CYP4A11: variants seen among roughly 807,000 people sequenced by gnomAD.
The protein encoded by CYP4A11 is cytochrome P450 family 4 subfamily A member 11.
In CYP4A11, 52 loss-of-function variants were observed where a neutral mutation model predicts 57.7. The observed-to-expected ratio is 0.90, with a 90% confidence interval of 0.72 to 1.14. The LOEUF (loss-of-function observed/expected upper bound fraction) is 1.14. CYP4A11 is among the 50% of genes most tolerant of loss of function. The pLI is 0.00. For synonymous variants in CYP4A11, 228 were observed against 247.1 expected (o/e 0.92, Z 0.72); for missense variants, 641 against 642.1 (o/e 1.00, Z 0.02).
intron 11 of CYP4A11, among the ~76,000 whole-genome samples, chr1:46,930,915 C>G (rs1680986231): frequency 1.3e-5 from 2 of 152,192 alleles, no homozygotes; most frequent in African/African-American, 4.8e-5. Flanking sequence ...CTCCATCCAC[C>G]AGCCCCTGTA....
Position 46,936,735 on chromosome 1 carries a change from T to C in CYP4A11, c.439A>G (p.Thr147Ala). The C allele has an allele frequency of 6.2e-7, 1 of 1,613,814 alleles. No homozygotes were observed. The highest frequency in any genetic ancestry group is 8.5e-7 in the Non-Finnish European group (1 of 1,179,956). Residue 147 changes from threonine to alanine, a missense_variant, in exon 4 of 12, where the codon ACC becomes GCC. Physicochemically the swap from Thr to Ala is moderately conservative, Grantham distance 58. Transcript: ENST00000310638. ...QTWFQHRRML[T>A]PAFHYDILKP... The stretch of plus-strand genomic sequence containing the variant: ...AGGATGTCATAGTGGAAGGCTGGGG[T>C]CAGCATCCGTCGATGCTGGAACCAT...
In CYP4A11 at chr1:46,933,774, G is replaced by T. The variant is rs1276541876; in HGVS notation, c.1222+172C>A. ...TTTCTTGAACTTTTGGTGGGTTCAAGCTCTCAGCCAGACTTTTCAAATTCT... is the reference window on the plus strand; with the variant it reads ...TTTCTTGAACTTTTGGTGGGTTCAATCTCTCAGCCAGACTTTTCAAATTCT... On this transcript the variant is annotated intron_variant, in intron 9 of 11. Coordinates refer to ENST00000310638, the MANE Select transcript of CYP4A11 (RefSeq NM_000778.4). The T allele has an allele frequency of 1.0e-5, 12 of 1,178,040 alleles. No individual in the cohort carries two copies. The South Asian group carries it at 1.5e-4, about 15-fold the overall frequency. 73.0% of individuals were successfully genotyped at this position (1,178,040 alleles called of 1,614,324 possible).
chr1:46,932,223 C>G, intron 11 of CYP4A11: 1 of 996,902 alleles, frequency 1.0e-6, no homozygotes. Context: ...AAAGGGCTAC[C>G]TTAACCTCTC....
chr1:46,941,253 C>G lies in CYP4A11; in HGVS notation c.181G>C (p.Gly61Arg), dbSNP rs370538155. 4 of 1,613,202 alleles carry G rather than the reference C, an allele frequency of 2.5e-6. No homozygotes were observed. The highest frequency in any genetic ancestry group is 2.2e-5 in the East Asian group (1 of 44,806). The part of the protein sequence containing the change: ...FPCPPSHWLF[G>R]HIQELQQDQE... ...TTCCTCCCTACCTCCTGGATGTGCC[C>G]GAAGAGCCAGTGGGAGGGAGGGCAC... The change falls in exon 1 of 12, where the codon GGG becomes CGG. Residue 61 changes from glycine (G) to arginine (R), a missense_variant. Transcript: ENST00000310638.
Position 46,934,073 on chromosome 1 carries a change from G to T in CYP4A11, c.1095C>A (p.His365Gln), listed in dbSNP as rs1458961273. ...LGDGASITWN[H>Q]LDQMPYTTMC... ...TGGTGGTGTAGGGCATCTGGTCCAG[G>T]TGGTTCCTGAAACAATTCCATCCTG... Residue 365 changes from histidine to glutamine, a missense_variant, in exon 9 of 12, where the codon CAC (histidine) becomes CAA (glutamine). Transcript: ENST00000310638. The T allele has an allele frequency of 1.9e-6, 3 of 1,612,732 alleles. No individual in the cohort carries two copies. Among genetic ancestry groups the T allele is most frequent in the Non-Finnish European group, 2.5e-6 (3 of 1,179,582 alleles).
rs1245662620 is a variant in CYP4A11, at chr1:46,938,091, G to A, written c.242C>T (p.Thr81Ile). 2.5e-6 allele frequency: 4 copies of A among 1,614,092 alleles called. No individual in the cohort carries two copies. In the African/African-American group the frequency reaches 4.0e-5, roughly 16 times the overall value. The part of the protein sequence containing the change: ...ELQRIQKWVE[T>I]FPSACPHWLW... ...CCAATGAGGACAGGCACTTGGGAAT[G>A]TCTCCACCCATTTCTGAATCCGTTG... The change falls in exon 2 of 12, where the codon ACA (threonine) becomes ATA (isoleucine). Residue 81 changes from threonine to isoleucine, a missense_variant. By Grantham distance (89) the Thr-to-Ile change is moderately conservative. Coordinates refer to ENST00000310638, the MANE Select transcript of CYP4A11 (RefSeq NM_000778.4).
chr1:46,931,825 G>A (rs1374204324), intron 11 of CYP4A11: 17 of 825,300 alleles, frequency 2.1e-5, no homozygotes, highest in East Asian at 1.2e-4. Context: ...AATTTATATC[G>A]TTTTTGCCTG....
chr1:46,938,284 T>C, intron 1 of CYP4A11, 147 bp from the exon 2 acceptor site: 2 of 1,224,328 alleles, frequency 1.6e-6, no homozygotes, highest in African/African-American at 3.0e-5. Flanking sequence ...TCCAGATTCT[T>C]GCTCTCTCCC....
In CYP4A11 at chr1:46,941,022, G is replaced by A. The variant is rs115106301; in HGVS notation, c.195+217C>T. 1.8e-3 allele frequency: 1,792 copies of A among 982,230 alleles called. 3 individuals carry two copies. Among genetic ancestry groups the A allele is most frequent in the Non-Finnish European group, 2.1e-3 (1,720 of 827,024 alleles). The allele number at this position is 982,230 out of a possible 1,614,324, so 60.8% of individuals were successfully genotyped here. ...CACACTTGATATCTGCAGAAGGAGG[G>A]CACGGGTGATAGAGCTGAGGACCAG... On this transcript the variant is annotated intron_variant, in intron 1 of 11. Transcript: ENST00000310638.
intron 9 of CYP4A11, among the ~76,000 whole-genome samples, chr1:46,933,294 T>A (rs1482010956): frequency 6.6e-6 from 1 of 152,174 alleles, no homozygotes; most frequent in Non-Finnish European, 1.5e-5. Flanking sequence ...CTCTTTAGAG[T>A]AAGTCCAGTG....
chr1:46,940,875 T>C (rs1681706633), intron 1 of CYP4A11: 1 of 985,376 alleles, frequency 1.0e-6, no homozygotes, highest in Non-Finnish European at 1.2e-6. Flanking sequence ...GGCAGAGTGA[T>C]GGCATTGAGT....
rs1435360161 is a variant in CYP4A11 at position 46,935,662 on chromosome 1, G to A, written c.511-15C>T. 6.2e-7 allele frequency: 1 copy of A among 1,604,424 alleles called. No homozygotes were observed. The highest frequency in any genetic ancestry group is 8.5e-7 in the Non-Finnish European group (1 of 1,175,620). ...TCCCATTTGTCCTGTGGTGGGAGGG[G>A]GCATGGACCTTCTTAATCTCCAAGA... On this transcript the variant is annotated splice_polypyrimidine_tract_variant and intron_variant, in intron 4 of 11. Coordinates refer to ENST00000310638, the MANE Select transcript of CYP4A11 (RefSeq NM_000778.4).
In CYP4A11 at chr1:46,930,030, G is replaced by T; in HGVS notation, c.*85C>A. On this transcript the variant is annotated 3_prime_UTR_variant, in exon 12 of 12. Coordinates refer to ENST00000310638, the MANE Select transcript of CYP4A11 (RefSeq NM_000778.4). ...CAGCAGGCAGGTGGGAAGAAGGGAAGGTGGGCAGACAGAAAACAGGATATG... is the reference window on the plus strand; with the variant it reads ...CAGCAGGCAGGTGGGAAGAAGGGAATGTGGGCAGACAGAAAACAGGATATG... 1.4e-6 allele frequency: 2 copies of T among 1,465,950 alleles called. No homozygotes were observed. The highest frequency in any genetic ancestry group is 1.8e-6 in the Non-Finnish European group (2 of 1,096,146). The allele number at this position is 1,465,950 out of a possible 1,614,324, so 90.8% of individuals were successfully genotyped here. A position where few individuals can be genotyped will look rare whatever the true frequency, so the allele number is the denominator to read the frequency against.
At chr1:46,932,120 T>C (rs538436958) in intron 11 of CYP4A11, 2 of 976,728 alleles carry the variant, frequency 2.0e-6, no homozygotes, top group African/African-American at 1.7e-5. Flanking sequence ...AAAATAGATG[T>C]AAATATGTGA....
intron 2 of CYP4A11, among the ~76,000 whole-genome samples, chr1:46,937,578 C>A (rs1206141388): frequency 1.3e-5 from 2 of 152,154 alleles, no homozygotes; most frequent in Non-Finnish European, 2.9e-5. Context: ...TGGTGAGAAA[C>A]ATAGGCTAGG....
At chr1:46,933,817 T>G (rs1406954843) in intron 9 of CYP4A11, 129 bp downstream of exon 9, 2 of 1,406,826 alleles carry the variant, frequency 1.4e-6, no homozygotes, top group Non-Finnish European at 1.9e-6. Flanking sequence ...AAGTACAAAG[T>G]ATGTTTTTGA....
At position 46,935,579 on chromosome 1, in the gene CYP4A11, G is replaced by A; in HGVS notation, c.579C>T (p.Thr193=). ...AGGCACACTTCATGATGGTGTCCAG[G>A]GTCATCAAGGAGACGTGCTGAAAGA... The part of the protein sequence containing the change: ...LEVFQHVSLM[T]LDTIMKCAFS... The change falls in exon 5 of 12, where the codon ACC becomes ACT. Residue 193 remains threonine, a synonymous_variant. Transcript: ENST00000310638. The A allele has an allele frequency of 6.2e-7, 1 of 1,613,940 alleles. No individual in the cohort carries two copies. The highest frequency in any genetic ancestry group is 8.5e-7 in the Non-Finnish European group (1 of 1,179,862).
In CYP4A11 at chr1:46,936,671, A is replaced by G. The variant is rs780851577; in HGVS notation, c.503T>C (p.Val168Ala). Residue 168 changes from valine to alanine, a missense_variant, in exon 4 of 12, where the codon GTG becomes GCG. By Grantham distance (64) the Val-to-Ala change is moderately conservative. Coordinates refer to ENST00000310638, the MANE Select transcript of CYP4A11 (RefSeq NM_000778.4). ...YVGLMADSVRVMLDKWEELLG... is the reference protein window; with the variant it reads ...YVGLMADSVRAMLDKWEELLG... ...AGAGAGACATGGACTCACCAGCATCACTCGTACAGAGTCTGCCATGAGCCC... is the reference window on the plus strand; with the variant it reads ...AGAGAGACATGGACTCACCAGCATCGCTCGTACAGAGTCTGCCATGAGCCC... The G allele has an allele frequency of 2.5e-6, 4 of 1,603,942 alleles. No homozygotes were observed. In the South Asian group the frequency reaches 3.4e-5, roughly 13 times the overall value.
chr1:46,937,417 T>A, intron 2 of CYP4A11, 71 bp from the exon 3 acceptor site: 1 of 1,521,716 alleles, frequency 6.6e-7, no homozygotes, highest in South Asian at 1.1e-5. Flanking sequence ...GCTGCATCAA[T>A]TCTTGGTGTC....
Sources: allele counts gnomAD v4.1 joint callset (sites outside exome capture counted in the v4.1 genomes callset), GRCh38; gene constraint gnomAD v4.1.1; transcripts MANE v1.5; gene names NCBI Gene and HGNC (gene_info 2026-07-23, HGNC 2026-07-21).